The following FBLN2 variants were observed in gnomAD, a reference collection of about 807,000 sequenced individuals.
FBLN2 encodes fibulin-2.
In FBLN2, 81 loss-of-function variants were observed where a neutral mutation model predicts 123.7. That is an observed-to-expected ratio of 0.65 (90% CI 0.55 to 0.79). The LOEUF is 0.79. Ranked by LOEUF, FBLN2 falls within the 30% of genes least tolerant of loss-of-function variation. The pLI is 0.00. For missense variants in FBLN2, 1,603 were observed against 1,681.3 expected (o/e 0.95, Z 0.81); for synonymous variants, 699 against 701.4 (o/e 1.00, Z 0.05).
At chr3:13,603,066 A>G (rs1426813931) in intron 2 of FBLN2, among the ~76,000 whole-genome samples, 1 of 151,736 alleles carries the variant, frequency 6.6e-6, no homozygotes, top group Admixed American at 6.6e-5. Context: ...GCGCGCCACC[A>G]AGCCTGGCTA....
intron 15 of FBLN2, 121 bp from the exon 16 acceptor site, chr3:13,631,208 T>G: frequency 7.9e-7 from 1 of 1,263,026 alleles, no homozygotes; most frequent in Non-Finnish European, 1.1e-6. Context: ...CTCAGTCCAC[T>G]TGTCTTCATT....
intron 1 of FBLN2, 104 bp from the exon 2 acceptor site, chr3:13,570,209 CGT>C (rs889135112): frequency 3.6e-5 from 45 of 1,237,742 alleles, no homozygotes; most frequent in Non-Finnish European, 4.9e-5. Flanking sequence ...TGAGCGCATG[CGT>C]GTGAGGTGGC....
Position 13,637,731 on chromosome 3 carries a change from A to G in FBLN2, c.3508A>G (p.Lys1170Glu), listed in dbSNP as rs1395554352. The change falls in exon 18 of 18, where the codon AAG becomes GAG. Residue 1170 changes from lysine (K) to glutamate (E), a missense_variant. Lys to Glu is a moderately conservative substitution (Grantham distance 56). Coordinates refer to ENST00000404922, the MANE Select transcript of FBLN2 (RefSeq NM_001004019.2). The stretch of plus-strand genomic sequence containing the variant: ...GGACACCATCGCCCTGAACATCATC[A>G]AGGGCAATGAGGAGGGCTACTTTGG... Reference protein sequence around the residue: ...TGDTIALNIIKGNEEGYFGTR... With the variant: ...TGDTIALNIIEGNEEGYFGTR... The G allele has an allele frequency of 4.3e-6, 7 of 1,613,838 alleles. No homozygotes were observed. The highest frequency in any genetic ancestry group is 1.3e-5 in the African/African-American group (1 of 74,930).
At position 13,636,536 on chromosome 3, in the gene FBLN2, G is replaced by A. The variant is rs113045533; in HGVS notation, c.3306G>A (p.Glu1102=). 3 of 1,613,694 alleles carry A rather than the reference G, an allele frequency of 1.9e-6. No homozygotes were observed. Among genetic ancestry groups the A allele is most frequent in the East Asian group, 2.2e-5 (1 of 44,872 alleles). The part of the protein sequence containing the change: ...IQGSFRCLRF[E]CPPNYVQVSK... ...GTAGCTTCCGCTGCCTGCGCTTCGA[G>A]TGTCCTCCCAACTATGTCCAAGTCT... The change falls in exon 17 of 18, where the codon GAG becomes GAA. Residue 1102 remains glutamate (E), a synonymous_variant. Transcript: ENST00000404922.
At chr3:13,632,522 A>G (rs1575002529) in intron 16 of FBLN2, among the ~76,000 whole-genome samples, 1 of 152,336 alleles carries the variant, frequency 6.6e-6, no homozygotes, top group East Asian at 1.9e-4. Context: ...GGATCCTGAG[A>G]TCAAGTCGAT....
intron 2 of FBLN2, among the ~76,000 whole-genome samples, chr3:13,594,570 C>T (rs773485404): frequency 5.3e-5 from 8 of 152,224 alleles, no homozygotes; most frequent in Non-Finnish European, 1.0e-4. Flanking sequence ...GCACATCACT[C>T]TGCCTCCCTG....
At chr3:13,549,581 C>A (rs1287083543) in intron 1 of FBLN2, among the ~76,000 whole-genome samples, 1 of 150,734 alleles carries the variant, frequency 6.6e-6, no homozygotes, top group African/African-American at 2.4e-5. Flanking sequence ...CCCACCCCCA[C>A]CCCGACCGCA....
intron 1 of FBLN2, among the ~76,000 whole-genome samples, chr3:13,564,792 A>G (rs966312306): frequency 1.3e-5 from 2 of 152,168 alleles, no homozygotes; most frequent in African/African-American, 4.8e-5. Context: ...CAGCCCAGAG[A>G]GGTTTCATCT....
At chr3:13,637,161 G>A (rs1166038590) in intron 17 of FBLN2, among the ~76,000 whole-genome samples, 4 of 152,214 alleles carry the variant, frequency 2.6e-5, no homozygotes, top group African/African-American at 4.8e-5. Flanking sequence ...ACACGGCCCG[G>A]CACTTGGGAG....
At chr3:13,571,745 T>C in intron 2 of FBLN2, 84 bp downstream of exon 2, 1 of 1,426,300 alleles carries the variant, frequency 7.0e-7, no homozygotes, top group South Asian at 1.5e-5. Flanking sequence ...GGTCTCTGCC[T>C]GGGGCTGGGG....
rs1187788383 is a variant in FBLN2 at position 13,626,569 on chromosome 3, C to A, written c.2421C>A (p.Gly807=). 6.5e-7 allele frequency: 1 copy of A among 1,548,006 alleles called. No homozygotes were observed. The highest frequency in any genetic ancestry group is 1.4e-5 in the African/African-American group (1 of 73,166). The change falls in exon 10 of 18, where the codon GGC becomes GGA. Residue 807 remains glycine, a synonymous_variant. Coordinates refer to ENST00000404922, the MANE Select transcript of FBLN2 (RefSeq NM_001004019.2). Reference sequence around the variant, plus strand: ...AGCCAGGCTATGCCCTCAAGGATGGCGAGTGCGAAGGTGAGAAGGGCCCAG... The same window carrying A: ...AGCCAGGCTATGCCCTCAAGGATGGAGAGTGCGAAGGTGAGAAGGGCCCAG... ...TCEPGYALKD[G]ECEDVDECAM...
intron 5 of FBLN2, among the ~76,000 whole-genome samples, chr3:13,614,977 C>T (rs1252521801): frequency 1.4e-4 from 1 of 6,986 alleles, no homozygotes. Context: ...TCTGCTTATC[C>T]ATCCATCCAT....
rs1421128494 is a variant in FBLN2 at position 13,570,398 on chromosome 3, G to T, written c.43G>T (p.Gly15Cys). The change falls in exon 2 of 18, where the codon GGC becomes TGC. Residue 15 changes from glycine (G) to cysteine (C), a missense_variant. Physicochemically the swap from Gly to Cys is radical, Grantham distance 159. Coordinates refer to ENST00000404922, the MANE Select transcript of FBLN2 (RefSeq NM_001004019.2). ...GCCTGCAGGAGCCTGGCTTGCTCTG[G>T]GCCTGGCCCTGGCCCTGGGCCCCAG... ...WEPAGAWLALGLALALGPSVA... is the reference protein window; with the variant it reads ...WEPAGAWLALCLALALGPSVA... 1 of 1,580,194 alleles carries T rather than the reference G, an allele frequency of 6.3e-7. No homozygotes were observed. Among genetic ancestry groups the T allele is most frequent in the Admixed American group, 1.8e-5 (1 of 55,792 alleles).
intron 5 of FBLN2, among the ~76,000 whole-genome samples, 194 bp downstream of exon 5, chr3:13,614,358 C>T (rs1483635991): frequency 6.6e-6 from 1 of 152,114 alleles, no homozygotes; most frequent in Non-Finnish European, 1.5e-5. Context: ...CAACTACCAC[C>T]CATCACCCTT....
At chr3:13,635,884 C>G (rs1575005361) in intron 16 of FBLN2, among the ~76,000 whole-genome samples, 1 of 152,114 alleles carries the variant, frequency 6.6e-6, no homozygotes, top group African/African-American at 2.4e-5. Context: ...TGTTGCAGAG[C>G]ATGGAGCCAT....
At chr3:13,621,995 A>C in intron 9 of FBLN2, 80 bp downstream of exon 9, 1 of 1,509,778 alleles carries the variant, frequency 6.6e-7, no homozygotes, top group Non-Finnish European at 9.0e-7. Context: ...CTGTGGCCAC[A>C]TGCCAAAGGG....
At chr3:13,551,844 CTT>C (rs34105173) in intron 1 of FBLN2, among the ~76,000 whole-genome samples, 15 of 133,092 alleles carry the variant, frequency 1.1e-4, no homozygotes, top group African/African-American at 8.5e-5. Context: ...CCGGCCCCTC[CTT>C]TTTTTTTTTT....
Position 13,608,206 on chromosome 3 carries a change from C to T in FBLN2, c.1418+33C>T, listed in dbSNP as rs1440297229. 5 of 1,490,360 alleles carry T rather than the reference C, an allele frequency of 3.4e-6. No homozygotes were observed. The South Asian group carries it at 6.0e-5, about 18-fold the overall frequency. 92.3% of individuals were successfully genotyped at this position (1,490,360 alleles called of 1,614,324 possible). ...GGGCTCCCTGGAGCAGGCGGAGCTG[C>T]CCATTTGCCTTCTCCAGAACCCTGC... is the stretch of plus-strand genomic sequence containing the variant. On this transcript the variant is annotated intron_variant, in intron 3 of 17. Transcript: ENST00000404922.
At chr3:13,568,532 G>A (rs905037367) in intron 1 of FBLN2, among the ~76,000 whole-genome samples, 12 of 152,206 alleles carry the variant, frequency 7.9e-5, no homozygotes, top group African/African-American at 2.9e-4. Context: ...CAGCAGGCTG[G>A]AAGCCCGTTG....
Sources: allele counts gnomAD v4.1 joint callset (sites outside exome capture counted in the v4.1 genomes callset), GRCh38; gene constraint gnomAD v4.1.1; transcripts MANE v1.5; gene names NCBI Gene and HGNC (gene_info 2026-07-23, HGNC 2026-07-21).